MSRA: variants seen among roughly 807,000 people sequenced by gnomAD.
The protein encoded by MSRA is mitochondrial peptide methionine sulfoxide reductase.
In MSRA, 54 loss-of-function variants were observed where a neutral mutation model predicts 31.3. The ratio of observed to expected loss-of-function variants is 1.73; its 90% confidence interval spans 1.39 to 2.17. MSRA has a LOEUF of 2.17. MSRA is among the 30% of genes most tolerant of loss of function. The pLI, the probability that MSRA is intolerant of heterozygous loss-of-function variation, is 0.00. For synonymous variants in MSRA, 169 were observed against 116.5 expected, an observed-to-expected ratio of 1.45 and a Z score of -2.90; for missense variants, 507 against 300.9, an observed-to-expected ratio of 1.69 and a Z score of -5.07.
intron 1 of MSRA, among the ~76,000 whole-genome samples, chr8:10,107,678 C>T (rs1393015430): frequency 6.6e-6 from 1 of 152,158 alleles, no homozygotes; most frequent in Admixed American, 6.5e-5. Flanking sequence ...ATGAGTTTTA[C>T]TTCCAAGAGA....
intron 1 of MSRA, among the ~76,000 whole-genome samples, chr8:10,065,209 C>A (rs1797397814): frequency 6.6e-6 from 1 of 151,944 alleles, no homozygotes; most frequent in Non-Finnish European, 1.5e-5. Flanking sequence ...TTCTCAGAGC[C>A]CCAGGGTGTC....
At chr8:10,330,852 T>C (rs76958422) in intron 5 of MSRA, among the ~76,000 whole-genome samples, 1 of 152,340 alleles carries the variant, frequency 6.6e-6, no homozygotes, top group African/African-American at 2.4e-5. Flanking sequence ...CCCCTTGTTA[T>C]GGACCGAATA....
intron 5 of MSRA, among the ~76,000 whole-genome samples, chr8:10,404,196 T>A (rs572028051): frequency 6.6e-6 from 1 of 152,254 alleles, no homozygotes. Flanking sequence ...TTCCCCACAA[T>A]GCCGGGAAAG....
chr8:10,368,426 A>G (rs1053390442), intron 5 of MSRA, among the ~76,000 whole-genome samples: 2 of 152,256 alleles, frequency 1.3e-5, no homozygotes, highest in African/African-American at 2.4e-5. Flanking sequence ...AAATCAGAAG[A>G]TGAAAGTGTG....
chr8:10,348,493 C>T (rs553178524), intron 5 of MSRA, among the ~76,000 whole-genome samples: 2 of 149,324 alleles, frequency 1.3e-5, no homozygotes, highest in East Asian at 4.1e-4. Context: ...CCTCAGCCTT[C>T]CAAGTAGCCG....
At chr8:10,218,117 TTTA>T (rs1810161456) in intron 2 of MSRA, among the ~76,000 whole-genome samples, 1 of 45,686 alleles carries the variant, frequency 2.2e-5, no homozygotes, top group Non-Finnish European at 5.8e-5. Flanking sequence ...TCCTTTTCTA[TTTA>T]TTTATTTATT....
intron 3 of MSRA, among the ~76,000 whole-genome samples, chr8:10,267,744 T>C (rs888485593): frequency 1.3e-5 from 2 of 152,158 alleles, no homozygotes; most frequent in African/African-American, 4.8e-5. Context: ...AATTTCGCTA[T>C]CTGCCAGAAG....
At chr8:10,338,216 T>G (rs1237903097) in intron 5 of MSRA, among the ~76,000 whole-genome samples, 1 of 152,154 alleles carries the variant, frequency 6.6e-6, no homozygotes, top group Non-Finnish European at 1.5e-5. Flanking sequence ...CAAGAATCAT[T>G]GTGTTGTTTA....
At chr8:10,313,021 C>T (rs7845970) in intron 4 of MSRA, among the ~76,000 whole-genome samples, 1 of 152,130 alleles carries the variant, frequency 6.6e-6, no homozygotes, top group South Asian at 2.1e-4. Context: ...TGCAGTAAGT[C>T]AAGGAAAGAA....
intron 1 of MSRA, among the ~76,000 whole-genome samples, chr8:10,103,699 T>TTATA (rs970567713): frequency 2.6e-5 from 4 of 151,358 alleles, no homozygotes; most frequent in Admixed American, 6.6e-5. Context: ...ATAGACTGTT[T>TTATA]TATATATATA....
chr8:10,352,919 C>A (rs183251522), intron 5 of MSRA, among the ~76,000 whole-genome samples: 10 of 152,140 alleles, frequency 6.6e-5, no homozygotes, highest in Admixed American at 6.5e-5. Flanking sequence ...CCCGTGCTGC[C>A]CAGCTGATGA....
intron 3 of MSRA, among the ~76,000 whole-genome samples, chr8:10,288,980 CTT>C (rs61082051): frequency 2.4e-4 from 35 of 147,530 alleles, no homozygotes; most frequent in East Asian, 6.0e-4. Context: ...AGTGCCATTT[CTT>C]TTTTTTTTTT....
chr8:10,095,678 A>G (rs1799105095), intron 1 of MSRA: 5 of 1,015,020 alleles, frequency 4.9e-6, no homozygotes, highest in Non-Finnish European at 5.9e-6. Context: ...GAGCTTCAGG[A>G]AAGAAAACCG....
rs150866572 is a variant in MSRA, at chr8:10,289,264, C to T, written c.332-12270C>T. The stretch of plus-strand genomic sequence containing the variant: ...TCTTGACCTCATAATCTGTCCACCT[C>T]GGTCTCCCAGAGTGCTGGGATTACA... On this transcript the variant is annotated intron_variant, in intron 3 of 5. Transcript: ENST00000317173. Among the ~76,000 whole-genome samples, 156 of 152,168 alleles carry T rather than the reference C, an allele frequency of 1.0e-3. 3 individuals are homozygous for T. Among genetic ancestry groups the T allele is most frequent in the South Asian group, 2.3e-3 (11 of 4,814 alleles).
At chr8:10,068,211 A>G (rs1306136570) in intron 1 of MSRA, among the ~76,000 whole-genome samples, 3 of 151,990 alleles carry the variant, frequency 2.0e-5, no homozygotes, top group Non-Finnish European at 4.4e-5. Context: ...AGCTCTTTGT[A>G]TATTTTGGAT....
At chr8:10,414,670 C>G (rs1267010965) in intron 5 of MSRA, among the ~76,000 whole-genome samples, 1 of 152,224 alleles carries the variant, frequency 6.6e-6, no homozygotes, top group African/African-American at 2.4e-5. Context: ...TGCTGCTATG[C>G]TTGAAGTTCT....
chr8:10,117,912 A>T (rs1345539115), intron 1 of MSRA, among the ~76,000 whole-genome samples: 1 of 152,212 alleles, frequency 6.6e-6, no homozygotes, highest in African/African-American at 2.4e-5. Flanking sequence ...ATCAACACAA[A>T]TGTAACCTTT....
intron 5 of MSRA, among the ~76,000 whole-genome samples, chr8:10,392,703 G>C (rs1370549616): frequency 6.9e-6 from 1 of 145,554 alleles, no homozygotes; most frequent in Non-Finnish European, 1.5e-5. Context: ...TTAAATCTAT[G>C]ATATTGGGAA....
At chr8:10,214,759 CT>C (rs1399231563) in intron 2 of MSRA, among the ~76,000 whole-genome samples, 2 of 152,182 alleles carry the variant, frequency 1.3e-5, no homozygotes, top group Admixed American at 6.5e-5. Context: ...AAAAATAGGC[CT>C]TCCTCCCTGG....
Sources: allele counts gnomAD v4.1 joint callset (sites outside exome capture counted in the v4.1 genomes callset), GRCh38; gene constraint gnomAD v4.1.1; transcripts MANE v1.5; gene names NCBI Gene and HGNC (gene_info 2026-07-23, HGNC 2026-07-21).